The following SIPA1L2 variants were observed in gnomAD, a reference collection of about 807,000 sequenced individuals.
SIPA1L2 encodes the protein signal-induced proliferation-associated 1-like protein 2.
A neutral mutation model predicts 163.9 loss-of-function variants in SIPA1L2; 56 were observed. The ratio of observed to expected loss-of-function variants is 0.34; its 90% confidence interval spans 0.28 to 0.43. The LOEUF is 0.43. Ranked by LOEUF, SIPA1L2 falls within the 20% of genes least tolerant of loss-of-function variation. SIPA1L2 has a pLI of 1.00. For missense variants in SIPA1L2, 1,974 were observed against 2,193.5 expected (o/e 0.90, Z 2.00); for synonymous variants, 877 against 865.7 (o/e 1.01, Z -0.23).
upstream of SIPA1L2, among the ~76,000 whole-genome samples, chr1:232,630,136 C>T (rs952215799): frequency 6.6e-6 from 1 of 151,324 alleles, no homozygotes; most frequent in Non-Finnish European, 1.5e-5. Flanking sequence ...CCCAGTCTGC[C>T]GCGCCGGCTC....
intron 1 of SIPA1L2, among the ~76,000 whole-genome samples, chr1:232,575,754 C>G (rs976580425): frequency 3.9e-5 from 6 of 151,994 alleles, no homozygotes; most frequent in Non-Finnish European, 2.9e-5. Flanking sequence ...TCACAGTGGC[C>G]CAAAAGGTAG....
rs765231369 is a variant in SIPA1L2, at chr1:232,439,184, A to G, written c.3955T>C (p.Tyr1319His). 6.2e-7 allele frequency: 1 copy of G among 1,613,692 alleles called. No individual in the cohort carries two copies. Among genetic ancestry groups the G allele is most frequent in the Admixed American group, 1.7e-5 (1 of 60,026 alleles). Residue 1319 changes from tyrosine to histidine, a missense_variant, in exon 15 of 23, where the codon TAC becomes CAC. Physicochemically the swap from Tyr to His is moderately conservative, Grantham distance 83. This residue lies in a region of SIPA1L2 where 1,079 missense variants were observed against 1,150.7 expected (regional missense o/e 0.94). Coordinates refer to ENST00000674635, the MANE Select transcript of SIPA1L2 (RefSeq NM_020808.5). ...CTGCCGGCGGAGATGGTGGACGCGTAGCCATGCACAGAATATAACTTGGCT... is the reference window on the plus strand; with the variant it reads ...CTGCCGGCGGAGATGGTGGACGCGTGGCCATGCACAGAATATAACTTGGCT... ...EPAKLYSVHGYASTISAGSAA... is the reference protein window; with the variant it reads ...EPAKLYSVHGHASTISAGSAA...
At chr1:232,521,149 T>C (rs1013836286) in intron 2 of SIPA1L2, among the ~76,000 whole-genome samples, 1 of 152,188 alleles carries the variant, frequency 6.6e-6, no homozygotes, top group Non-Finnish European at 1.5e-5. Context: ...CATGAGAACA[T>C]AAAAACCAGC....
At chr1:232,538,066 T>G (rs552950674) in intron 2 of SIPA1L2, among the ~76,000 whole-genome samples, 1 of 152,246 alleles carries the variant, frequency 6.6e-6, no homozygotes, top group African/African-American at 2.4e-5. Context: ...GAGGAAATGC[T>G]AGGTTCAAAT....
intron 2 of SIPA1L2, among the ~76,000 whole-genome samples, chr1:232,567,848 G>A (rs1352408035): frequency 1.3e-5 from 2 of 152,230 alleles, no homozygotes; most frequent in African/African-American, 4.8e-5. Context: ...CCATCCCACA[G>A]CCTCCAGGGA....
In SIPA1L2 at chr1:232,548,670, A is replaced by T. The variant is rs182561641; in HGVS notation, c.-270+25504T>A. 3.3e-5 allele frequency among the ~76,000 whole-genome samples: 5 copies of T among 152,342 alleles called. No homozygotes were observed. The East Asian group carries it at 9.6e-4, about 29-fold the overall frequency. ...CAAGCCCAGCACTGCAGGAGTAGTG[A>T]AAAGAGGGACACGGCAAGGCCTCCC... is the stretch of plus-strand genomic sequence containing the variant. On this transcript the variant is annotated intron_variant, in intron 2 of 22. Transcript: ENST00000674635.
intron 1 of SIPA1L2, among the ~76,000 whole-genome samples, chr1:232,606,091 T>C (rs75234544): frequency 1.0e-3 from 154 of 152,382 alleles, no homozygotes; most frequent in African/African-American, 3.5e-3. Flanking sequence ...AATCTATTAA[T>C]ACTTTTCATC....
chr1:232,558,996 G>T (rs185566470), intron 2 of SIPA1L2, among the ~76,000 whole-genome samples: 1 of 152,272 alleles, frequency 6.6e-6, no homozygotes, highest in Admixed American at 6.5e-5. Context: ...CCAGCCCAAG[G>T]CTACCATGAT....
intron 2 of SIPA1L2, among the ~76,000 whole-genome samples, chr1:232,537,950 A>C (rs1657413664): frequency 6.6e-6 from 1 of 152,224 alleles, no homozygotes; most frequent in South Asian, 2.1e-4. Context: ...CTGATTACAG[A>C]CTTCCTAAAT....
In SIPA1L2 at chr1:232,399,174, G is replaced by A. The variant is rs767048781; in HGVS notation, c.5122C>T (p.Arg1708Trp). Residue 1708 changes from arginine (R) to tryptophan (W), a missense_variant, in exon 23 of 23, where the codon CGG becomes TGG. Around this residue, in one of 3 missense-constraint regions of SIPA1L2, gnomAD observed 1,079 missense variants for 1,150.7 expected, o/e 0.94. Coordinates refer to ENST00000674635, the MANE Select transcript of SIPA1L2 (RefSeq NM_020808.5). The part of the protein sequence containing the change: ...EESQTATAQL[R>W]KFTEWFFTTI... ...GTGAAAAACCATTCTGTGAATTTCC[G>A]CAGCTGAGCTGTCGCGGTCTGGGAC... 5.0e-6 allele frequency: 8 copies of A among 1,613,952 alleles called. No individual in the cohort carries two copies. The highest frequency in any genetic ancestry group is 3.3e-5 in the South Asian group (3 of 91,066).
At chr1:232,630,368 G>A (rs1052588525), upstream of SIPA1L2, among the ~76,000 whole-genome samples, 2 of 152,078 alleles carry the variant, frequency 1.3e-5, no homozygotes, top group Admixed American at 6.5e-5. Context: ...CCCTTCTTGG[G>A]GAGGGGGCTG....
At chr1:232,579,751 GA>G (rs1660274328) in intron 1 of SIPA1L2, among the ~76,000 whole-genome samples, 1 of 152,172 alleles carries the variant, frequency 6.6e-6, no homozygotes, top group African/African-American at 2.4e-5. Context: ...CAAGCTCGAT[GA>G]AAAATCAACT....
In SIPA1L2 at chr1:232,491,202, A is replaced by C. The variant is rs939935752; in HGVS notation, c.1618-140T>G. 4 of 694,850 alleles carry C rather than the reference A, an allele frequency of 5.8e-6. No homozygotes were observed. In the African/African-American group the frequency reaches 7.2e-5, roughly 13 times the overall value. The allele number at this position is 694,850 out of a possible 1,614,324, so 43.0% of individuals were successfully genotyped here. On this transcript the variant is annotated intron_variant, in intron 4 of 22. Transcript: ENST00000674635. Reference sequence around the variant, plus strand: ...GTAGTGAAAGGGGCGACAGTGTTCCATTTAAGGAAACAAAATCAACACTCA... The same window carrying C: ...GTAGTGAAAGGGGCGACAGTGTTCCCTTTAAGGAAACAAAATCAACACTCA...
chr1:232,566,754 T>G (rs747713213), intron 2 of SIPA1L2, among the ~76,000 whole-genome samples: 17 of 152,192 alleles, frequency 1.1e-4, no homozygotes, highest in Non-Finnish European at 2.2e-4. Context: ...GTTCAGTGTG[T>G]TTTTAGAAGT....
chr1:232,476,935 A>C (rs1665076536), intron 7 of SIPA1L2, among the ~76,000 whole-genome samples: 1 of 152,210 alleles, frequency 6.6e-6, no homozygotes, highest in Admixed American at 6.5e-5. Context: ...AACTTTGCTA[A>C]GTCCTGTGGC....
At chr1:232,599,798 A>G (rs909643244) in intron 1 of SIPA1L2, among the ~76,000 whole-genome samples, 6 of 152,274 alleles carry the variant, frequency 3.9e-5, no homozygotes, top group Non-Finnish European at 8.8e-5. Context: ...CAGCAAGGCC[A>G]GAGGACTGCT....
At chr1:232,499,362 C>T (rs1384815604) in intron 3 of SIPA1L2, among the ~76,000 whole-genome samples, 4 of 152,158 alleles carry the variant, frequency 2.6e-5, no homozygotes, top group Admixed American at 2.0e-4. Context: ...AGAGAACACA[C>T]GATTAAGAAG....
At chr1:232,510,767 G>C (rs1288499465) in intron 3 of SIPA1L2, among the ~76,000 whole-genome samples, 1 of 152,080 alleles carries the variant, frequency 6.6e-6, no homozygotes, top group African/African-American at 2.4e-5. Flanking sequence ...GAATCAAATG[G>C]TGGTGACCGG....
chr1:232,553,632 G>A (rs1658531699), intron 2 of SIPA1L2, among the ~76,000 whole-genome samples: 1 of 152,136 alleles, frequency 6.6e-6, no homozygotes, highest in South Asian at 2.1e-4. Context: ...TTTAGATAGA[G>A]GAGTTAGCTG....
Sources: gnomAD v4.1 joint callset for allele counts (sites outside exome capture counted in the v4.1 genomes callset) on GRCh38, gnomAD v4.1.1 for gene constraint, gnomAD v4.1.1 regional missense constraint, MANE v1.5 for transcripts, NCBI Gene and HGNC (gene_info 2026-07-23, HGNC 2026-07-21) for gene names.